Variants in ATP2B2 observed in about 807,000 individuals in gnomAD.
ATP2B2 encodes ATPase plasma membrane Ca2+ transporting 2.
ATP2B2 carries 15 observed loss-of-function variants against 120.0 expected under a neutral mutation model. The ratio of observed to expected loss-of-function variants is 0.12; its 90% CI spans 0.08 to 0.19. ATP2B2 has a LOEUF of 0.19. Among genes scored for constraint, ATP2B2 ranks in the 10% least tolerant of loss-of-function variants. The pLI, the probability that ATP2B2 is intolerant of heterozygous loss-of-function variation, is 1.00. For missense variants in ATP2B2, 1,045 were observed against 1,719.8 expected, an observed-to-expected ratio of 0.61 and a Z score of 6.94; for synonymous variants, 694 against 700.3, an observed-to-expected ratio of 0.99 and a Z score of 0.14.
intron 2 of ATP2B2, among the ~76,000 whole-genome samples, chr3:10,573,688 A>G (rs1321356643): frequency 6.6e-6 from 1 of 152,188 alleles, no homozygotes; most frequent in African/African-American, 2.4e-5. Context: ...GCCTATGCTG[A>G]GCCAGGCTCC....
intron 2 of ATP2B2, among the ~76,000 whole-genome samples, chr3:10,595,934 C>T: frequency 6.6e-6 from 1 of 152,186 alleles, no homozygotes. Flanking sequence ...ATCAAGCTCC[C>T]TGCTGCTCCT....
In ATP2B2 at chr3:10,413,672, C is replaced by T. The variant is rs147044445; in HGVS notation, c.200-2857G>A. On this transcript the variant is annotated intron_variant, in intron 2 of 22. Coordinates refer to ENST00000360273, the MANE Select transcript of ATP2B2 (RefSeq NM_001001331.4). Reference sequence around the variant, plus strand: ...CACACTGTAGCACGATTCCAGGAACCGCAGGAAGCTTCCCTGTCTTCCTCC... The same window carrying T: ...CACACTGTAGCACGATTCCAGGAACTGCAGGAAGCTTCCCTGTCTTCCTCC... 1.4e-3 allele frequency among the ~76,000 whole-genome samples: 208 copies of T among 152,316 alleles called. 7 individuals carry two copies. The South Asian group carries it at 0.031, about 22-fold the overall frequency.
At position 10,516,369 on chromosome 3, in the gene ATP2B2, C is replaced by T. The variant is rs116508644; in HGVS notation, c.-320+17670G>A. ...CTGCCCAAAGGAGGGCAGTGCCGGA[C>T]GAGGTGACCCTGGCATGGCATTGTC... On this transcript the variant is annotated intron_variant, in intron 3 of 21. Coordinates refer to the ATP2B2 transcript ENST00000646379. 9.4e-3 allele frequency among the ~76,000 whole-genome samples: 1,434 copies of T among 152,332 alleles called. 20 individuals are homozygous for T. Among genetic ancestry groups the T allele is most frequent in the African/African-American group, 0.033 (1,375 of 41,574 alleles).
At position 10,635,439 on chromosome 3, in the gene ATP2B2, T is replaced by A. The variant is rs1430714899; in HGVS notation, c.-459-15478A>T. Among the ~76,000 whole-genome samples, 1 of 152,090 alleles carries A rather than the reference T, an allele frequency of 6.6e-6. No homozygotes were observed. The highest frequency in any genetic ancestry group is 1.9e-4 in the East Asian group (1 of 5,174). On this transcript the variant is annotated intron_variant, in intron 1 of 21. Transcript: ENST00000646379. This position sits in a 1 kb window ranked among gnomAD's most constrained non-coding sequence, Gnocchi z 4.3. Reference sequence around the variant, plus strand: ...GACAGACTGAGGACACCAGGCAACATGACTTTCCAGCTCTTAGGTGCCTAC... The same window carrying A: ...GACAGACTGAGGACACCAGGCAACAAGACTTTCCAGCTCTTAGGTGCCTAC...
chr3:10,374,765 G>A (rs753088608), intron 11 of ATP2B2, among the ~76,000 whole-genome samples: 6 of 152,050 alleles, frequency 3.9e-5, no homozygotes, highest in Non-Finnish European at 7.4e-5. Context: ...CGCTTAGAAA[G>A]GTCCCAGACC....
chr3:10,540,940 T>C (rs903916606), intron 2 of ATP2B2, among the ~76,000 whole-genome samples: 8 of 152,022 alleles, frequency 5.3e-5, no homozygotes, highest in Non-Finnish European at 8.8e-5. Context: ...TCAATTTCCT[T>C]AGTAATTATA....
intron 2 of ATP2B2, among the ~76,000 whole-genome samples, chr3:10,562,167 TG>T (rs995029279): frequency 1.1e-4 from 17 of 152,086 alleles, no homozygotes; most frequent in Non-Finnish European, 2.2e-4. Flanking sequence ...TTGAGTGCCA[TG>T]GGTGGGGAGA....
At position 10,375,090 on chromosome 3, in the gene ATP2B2, A is replaced by C. The variant is rs2061345286; in HGVS notation, c.1416+340T>G. On this transcript the variant is annotated intron_variant, in intron 11 of 22. Coordinates refer to ENST00000360273, the MANE Select transcript of ATP2B2 (RefSeq NM_001001331.4). The surrounding 1 kb of genome is among the most constrained non-coding windows in gnomAD (Gnocchi z 4.2). ...TTTGAGTTGATTATCAATGTCTAAAAATCACGAGAGTCTACATTAAGTCCA... is the reference window on the plus strand; with the variant it reads ...TTTGAGTTGATTATCAATGTCTAAACATCACGAGAGTCTACATTAAGTCCA... Among the ~76,000 whole-genome samples, 1 of 152,206 alleles carries C rather than the reference A, an allele frequency of 6.6e-6. No individual in the cohort carries two copies.
intron 2 of ATP2B2, among the ~76,000 whole-genome samples, chr3:10,597,829 C>T (rs1263151730): frequency 2.0e-5 from 3 of 152,208 alleles, no homozygotes; most frequent in Admixed American, 6.5e-5. Context: ...TTGTTGCCAT[C>T]GTCCTGAAGC....
At chr3:10,601,941 A>T (rs760481412) in intron 2 of ATP2B2, among the ~76,000 whole-genome samples, 2 of 152,158 alleles carry the variant, frequency 1.3e-5, no homozygotes, top group South Asian at 4.1e-4. Context: ...TTGGGCACAT[A>T]ATTCATTAAT....
intron 6 of ATP2B2, chr3:10,388,034 C>G (rs577389044): frequency 2.0e-6 from 1 of 507,952 alleles, no homozygotes; most frequent in Non-Finnish European, 3.6e-6. Context: ...TGGCCTGGCC[C>G]GGAGGGGAAG....
At chr3:10,423,079 G>T (rs2063039100) in intron 2 of ATP2B2, among the ~76,000 whole-genome samples, 1 of 152,146 alleles carries the variant, frequency 6.6e-6, no homozygotes. Flanking sequence ...GTGAAGCTGG[G>T]GCCCCTGAGA....
chr3:10,619,515 T>C (rs1476410206), intron 2 of ATP2B2, among the ~76,000 whole-genome samples: 1 of 152,222 alleles, frequency 6.6e-6, no homozygotes, highest in African/African-American at 2.4e-5. Flanking sequence ...ACAGGAATAT[T>C]GCTCTTTATC....
At chr3:10,526,478 G>A (rs544647531) in intron 3 of ATP2B2, among the ~76,000 whole-genome samples, 1 of 152,326 alleles carries the variant, frequency 6.6e-6, no homozygotes, top group South Asian at 2.1e-4. Flanking sequence ...TCCCTGGCCA[G>A]TGATCCCTGG....
At chr3:10,358,618 A>G (rs1575004745) in intron 14 of ATP2B2, 73 bp downstream of exon 14, 2 of 1,417,932 alleles carry the variant, frequency 1.4e-6, no homozygotes, top group African/African-American at 2.8e-5. Context: ...GAAGTGACTT[A>G]CTCCAGGTCA....
At position 10,683,758 on chromosome 3, in the gene ATP2B2, GTGTATATATATATATATA is replaced by G. The variant is rs1351778084; in HGVS notation, c.-460+24139_-460+24156del. Among the ~76,000 whole-genome samples the G allele has an allele frequency of 5.9e-4, 20 of 33,640 alleles. 1 individual carries two copies. Among genetic ancestry groups the G allele is most frequent in the Middle Eastern group, 0.01 (1 of 98 alleles). The allele number at this position is 33,640 out of a possible 152,430, so 22.1% of individuals were successfully genotyped here. On this transcript the variant is annotated intron_variant, in intron 1 of 21. Transcript: ENST00000646379. Reference sequence around the variant, plus strand: ...TATATGTGTATATATATGTGTGTGTGTGTATATATATATATATATATATATATATATATATATATATAT... The same window carrying G: ...TATATGTGTATATATATGTGTGTGTGTATATATATATATATATATATATAT...
intron 2 of ATP2B2, among the ~76,000 whole-genome samples, chr3:10,594,857 A>G (rs2068728001): frequency 6.6e-6 from 1 of 152,182 alleles, no homozygotes; most frequent in Non-Finnish European, 1.5e-5. Flanking sequence ...CATCACCCCC[A>G]TTTTATAGAT....
chr3:10,378,941 A>T (rs2061453851), intron 9 of ATP2B2, among the ~76,000 whole-genome samples: 1 of 152,198 alleles, frequency 6.6e-6, no homozygotes, highest in Non-Finnish European at 1.5e-5. Context: ...TTGGACAGAG[A>T]CTGAGCCAAA....
intron 1 of ATP2B2, among the ~76,000 whole-genome samples, chr3:10,642,787 G>A (rs927541814): frequency 2.0e-5 from 3 of 152,166 alleles, no homozygotes; most frequent in Non-Finnish European, 2.9e-5. Flanking sequence ...GACCACAGAG[G>A]ATTCCTAAGC....
Sources: gnomAD v4.1 joint callset for allele counts (sites outside exome capture counted in the v4.1 genomes callset) on GRCh38, gnomAD v4.1.1 for gene constraint, Gnocchi (gnomAD v3.1) non-coding constraint, MANE v1.5 for transcripts, NCBI Gene and HGNC (gene_info 2026-07-23, HGNC 2026-07-21) for gene names.